Variants in CNTNAP2 observed in about 807,000 individuals in gnomAD.
The protein encoded by CNTNAP2 is contactin-associated protein-like 2.
CNTNAP2 carries 98 observed loss-of-function variants against 155.2 expected under a neutral mutation model. The ratio of observed to expected loss-of-function variants is 0.63; its 90% CI spans 0.54 to 0.75. The LOEUF is 0.75. Ranked by LOEUF, CNTNAP2 falls within the 30% of genes least tolerant of loss-of-function variation. CNTNAP2 has a pLI of 0.00. For missense variants in CNTNAP2, 1,727 were observed against 1,688.1 expected (o/e 1.02, Z -0.40); for synonymous variants, 651 against 631.2 (o/e 1.03, Z -0.47).
At chr7:147,386,028 CTG>C (rs1415538202) in intron 9 of CNTNAP2, among the ~76,000 whole-genome samples, 3 of 152,190 alleles carry the variant, frequency 2.0e-5, no homozygotes, top group Non-Finnish European at 4.4e-5. Flanking sequence ...CACATGGAAG[CTG>C]CCAAGACTTG....
chr7:146,547,224 T>C (rs1798042558), intron 1 of CNTNAP2, among the ~76,000 whole-genome samples: 1 of 152,012 alleles, frequency 6.6e-6, no homozygotes, highest in African/African-American at 2.4e-5. Context: ...TTTGAGACTT[T>C]AATTAAGCCA....
intron 1 of CNTNAP2, among the ~76,000 whole-genome samples, chr7:146,500,380 T>C (rs1797283518): frequency 6.6e-6 from 1 of 152,086 alleles, no homozygotes; most frequent in South Asian, 2.1e-4. Flanking sequence ...GACTAAAAAT[T>C]AGGAGTTTGT....
chr7:147,113,809 C>T (rs1261274491), intron 5 of CNTNAP2, among the ~76,000 whole-genome samples: 5 of 152,072 alleles, frequency 3.3e-5, no homozygotes, highest in African/African-American at 1.2e-4. Flanking sequence ...CCTCTCTATT[C>T]CACTTCAGTT....
At chr7:148,187,525 T>C (rs991866189) in intron 18 of CNTNAP2, among the ~76,000 whole-genome samples, 1 of 152,230 alleles carries the variant, frequency 6.6e-6, no homozygotes, top group Admixed American at 6.5e-5. Context: ...GAGCTTCTGA[T>C]GATGGAAATT....
intron 3 of CNTNAP2, among the ~76,000 whole-genome samples, chr7:146,894,001 A>G (rs1795828065): frequency 6.6e-6 from 1 of 152,166 alleles, no homozygotes; most frequent in African/African-American, 2.4e-5. Context: ...TTAATTAGTT[A>G]TTTAGAGAAG....
chr7:148,063,521 C>G (rs1803197540), intron 15 of CNTNAP2, among the ~76,000 whole-genome samples: 2 of 150,892 alleles, frequency 1.3e-5, no homozygotes, highest in Non-Finnish European at 3.0e-5. Flanking sequence ...TTCAAGTTAT[C>G]TAATCTTTTC....
At chr7:146,198,133 A>G (rs1356044022) in intron 1 of CNTNAP2, among the ~76,000 whole-genome samples, 2 of 152,156 alleles carry the variant, frequency 1.3e-5, no homozygotes, top group African/African-American at 4.8e-5. Flanking sequence ...GGGGATGACA[A>G]TTCGGATTAT....
intron 1 of CNTNAP2, among the ~76,000 whole-genome samples, chr7:146,493,666 C>A (rs1797171237): frequency 6.6e-6 from 1 of 152,090 alleles, no homozygotes; most frequent in African/African-American, 2.4e-5. Flanking sequence ...GCCTCACTTT[C>A]TCATCTAGCA....
At chr7:146,411,871 C>T (rs974925455) in intron 1 of CNTNAP2, among the ~76,000 whole-genome samples, 2 of 151,394 alleles carry the variant, frequency 1.3e-5, no homozygotes, top group African/African-American at 2.4e-5. Flanking sequence ...GAGTCTCTCT[C>T]TGTTGCCCAG....
At chr7:146,464,863 T>C (rs1262959402) in intron 1 of CNTNAP2, among the ~76,000 whole-genome samples, 4 of 152,136 alleles carry the variant, frequency 2.6e-5, no homozygotes, top group Non-Finnish European at 5.9e-5. Context: ...CACTGCATCA[T>C]TCTGGTTGCA....
intron 8 of CNTNAP2, among the ~76,000 whole-genome samples, chr7:147,199,818 C>T (rs775267431): frequency 2.0e-4 from 29 of 142,278 alleles, no homozygotes; most frequent in Admixed American, 1.2e-3. Flanking sequence ...AATTAGTTCC[C>T]GATTTTCTTT....
At chr7:147,909,007 G>T (rs1010151309) in intron 14 of CNTNAP2, among the ~76,000 whole-genome samples, 10 of 152,298 alleles carry the variant, frequency 6.6e-5, no homozygotes, top group South Asian at 6.2e-4. Context: ...ATAAATGAAA[G>T]TTTAAAATTA....
At chr7:148,292,760 A>G (rs568569717) in intron 21 of CNTNAP2, among the ~76,000 whole-genome samples, 60 of 152,290 alleles carry the variant, frequency 3.9e-4, no homozygotes, top group African/African-American at 1.1e-3. Flanking sequence ...TGCAGCCCAA[A>G]CACTAGAATG....
At chr7:147,733,550 G>A (rs1796782988) in intron 13 of CNTNAP2, among the ~76,000 whole-genome samples, 1 of 152,114 alleles carries the variant, frequency 6.6e-6, no homozygotes, top group South Asian at 2.1e-4. Flanking sequence ...TTCCAATTCT[G>A]TGAAGAAAGT....
chr7:146,869,072 G>A (rs999590316), intron 3 of CNTNAP2, among the ~76,000 whole-genome samples: 10 of 152,166 alleles, frequency 6.6e-5, no homozygotes, highest in African/African-American at 2.4e-4. Flanking sequence ...AATATTGAGA[G>A]AGGGCATCCT....
intron 1 of CNTNAP2, among the ~76,000 whole-genome samples, chr7:146,752,698 C>G (rs763970499): frequency 2.6e-5 from 4 of 152,164 alleles, no homozygotes; most frequent in African/African-American, 4.8e-5. Flanking sequence ...TTGCCCATGC[C>G]TATAACCTGA....
intron 2 of CNTNAP2, among the ~76,000 whole-genome samples, chr7:146,794,150 T>C (rs1231037491): frequency 6.6e-6 from 1 of 152,208 alleles, no homozygotes; most frequent in East Asian, 1.9e-4. Flanking sequence ...CTAAATGCCC[T>C]TGGATAGTCT....
chr7:148,207,838 T>A (rs950126194), intron 18 of CNTNAP2, among the ~76,000 whole-genome samples: 1 of 151,988 alleles, frequency 6.6e-6, no homozygotes, highest in Non-Finnish European at 1.5e-5. Context: ...TGGCTCACGC[T>A]TGTAATCCCA....
At chr7:146,165,269 A>G (rs1029963167) in intron 1 of CNTNAP2, among the ~76,000 whole-genome samples, 1 of 152,194 alleles carries the variant, frequency 6.6e-6, no homozygotes, top group Non-Finnish European at 1.5e-5. Flanking sequence ...TGTTTAATTC[A>G]GCACAACTAA....
Sources: gnomAD v4.1 joint callset for allele counts (sites outside exome capture counted in the v4.1 genomes callset) on GRCh38, gnomAD v4.1.1 for gene constraint, MANE v1.5 for transcripts, NCBI Gene and HGNC (gene_info 2026-07-23, HGNC 2026-07-21) for gene names.